Variants in IFT88 observed in about 807,000 individuals in gnomAD.
IFT88 encodes intraflagellar transport 88.
IFT88 carries 74 observed loss-of-function variants against 119.5 expected under a neutral mutation model. The observed-to-expected ratio is 0.62, with a 90% CI of 0.51 to 0.75. IFT88 has a LOEUF of 0.75. Ranked by LOEUF, IFT88 falls within the 30% of genes least tolerant of loss-of-function variation. The probability of loss-of-function intolerance (pLI) is 0.00; values close to 1 mark genes in which losing one functional copy is unlikely to be tolerated. For missense variants in IFT88, 961 were observed against 977.7 expected, an observed-to-expected ratio of 0.98 and a Z score of 0.23; for synonymous variants, 279 against 316.7, an observed-to-expected ratio of 0.88 and a Z score of 1.26.
In IFT88 at chr13:20,590,830, A is replaced by G. The variant is rs1283989237; in HGVS notation, c.211-137A>G. ...TTTTATAGTTTTATGGTTTTACCCT[A>G]TACGCCCAGGAGGTACAAGGAATAA... On this transcript the variant is annotated intron_variant, in intron 4 of 25. Transcript: ENST00000351808. The G allele has an allele frequency of 9.9e-6, 6 of 606,188 alleles. 1 individual carries two copies. Among genetic ancestry groups the G allele is most frequent in the Admixed American group, 6.1e-5 (2 of 32,802 alleles). The allele number at this position is 606,188 out of a possible 1,614,324, so 37.6% of individuals were successfully genotyped here. A position where few individuals can be genotyped will look rare whatever the true frequency, so the allele number is the denominator to read the frequency against.
At chr13:20,636,094 C>T (rs1250432309) in intron 16 of IFT88, among the ~76,000 whole-genome samples, 1 of 152,170 alleles carries the variant, frequency 6.6e-6, no homozygotes, top group African/African-American at 2.4e-5. Context: ...TCTTGTTGGG[C>T]TTTCCCACAT....
rs1446621502 is a variant in IFT88 at position 20,690,802 on chromosome 13, T to C, written c.2340T>C (p.Ser780=). Residue 780 remains serine, a synonymous_variant, in exon 25 of 26, where the codon AGT becomes AGC. Coordinates refer to ENST00000351808, the MANE Select transcript of IFT88 (RefSeq NM_006531.5). ...CAAATGAACCTTATGAAAGTAGCAGTAACAAAGAAATAGGCAAGTACTCTC... is the reference window on the plus strand; with the variant it reads ...CAAATGAACCTTATGAAAGTAGCAGCAACAAAGAAATAGGCAAGTACTCTC... The part of the protein sequence containing the change: ...PGTNEPYESS[S]NKEIDASYVD... 1.9e-6 allele frequency: 3 copies of C among 1,612,066 alleles called. No homozygotes were observed. Among genetic ancestry groups the C allele is most frequent in the Non-Finnish European group, 2.5e-6 (3 of 1,178,176 alleles).
At chr13:20,613,612 T>A (rs796678306) in intron 13 of IFT88, among the ~76,000 whole-genome samples, 26 of 152,262 alleles carry the variant, frequency 1.7e-4, no homozygotes, top group African/African-American at 6.3e-4. Context: ...TATGTCCACA[T>A]GACAACTTGT....
Position 20,638,495 on chromosome 13 carries a change from G to C in IFT88, c.1550G>C (p.Cys517Ser). ...YKEALRNDSS[C>S]TEALYNIGLT... ...GAGGCTCTAAGAAATGATTCTTCTT[G>C]TACTGAAGCACTTTATAATATTGGT... Residue 517 changes from cysteine to serine, a missense_variant, in exon 17 of 26, where the codon TGT (cysteine) becomes TCT (serine). Transcript: ENST00000351808. 1 of 1,491,296 alleles carries C rather than the reference G, an allele frequency of 6.7e-7. No individual in the cohort carries two copies. The highest frequency in any genetic ancestry group is 8.9e-7 in the Non-Finnish European group (1 of 1,125,020). The allele number at this position is 1,491,296 out of a possible 1,614,324, so 92.4% of individuals were successfully genotyped here.
chr13:20,634,392 A>G (rs567240161), intron 16 of IFT88, among the ~76,000 whole-genome samples: 1 of 152,110 alleles, frequency 6.6e-6, no homozygotes, highest in Non-Finnish European at 1.5e-5. Flanking sequence ...GCCAGGATCT[A>G]CATCAGGTCT....
chr13:20,626,621 G>A (rs1594368063), intron 15 of IFT88, among the ~76,000 whole-genome samples: 1 of 152,278 alleles, frequency 6.6e-6, no homozygotes, highest in African/African-American at 2.4e-5. Flanking sequence ...TCTCATGGCT[G>A]TATGGGGTTT....
At chr13:20,634,772 A>G (rs2048753565) in intron 16 of IFT88, among the ~76,000 whole-genome samples, 1 of 149,254 alleles carries the variant, frequency 6.7e-6, no homozygotes, top group African/African-American at 2.5e-5. Context: ...TTTCTCAGGA[A>G]CAATTTCTTC....
At chr13:20,666,113 G>A (rs138519345) in intron 23 of IFT88, among the ~76,000 whole-genome samples, 9 of 152,304 alleles carry the variant, frequency 5.9e-5, no homozygotes, top group Non-Finnish European at 8.8e-5. Flanking sequence ...AAGTAAATGC[G>A]TAGTATGGTG....
chr13:20,626,079 G>T (rs1594360322), intron 15 of IFT88, among the ~76,000 whole-genome samples: 1 of 49,750 alleles, frequency 2.0e-5, no homozygotes. Context: ...TTTTTTTTTT[G>T]AGATGGAGTC....
chr13:20,631,661 T>G (rs955275220), intron 16 of IFT88: 2 of 152,602 alleles, frequency 1.3e-5, no homozygotes, highest in Non-Finnish European at 2.9e-5. Flanking sequence ...AACATTTTAA[T>G]TTAGGACTTT....
At chr13:20,598,843 A>C in intron 10 of IFT88, 90 bp downstream of exon 10, 1 of 766,644 alleles carries the variant, frequency 1.3e-6, no homozygotes. Flanking sequence ...TTAAAATGAA[A>C]TGATCTATGC....
chr13:20,612,376 G>T (rs2044721221), intron 13 of IFT88: 1 of 152,036 alleles, frequency 6.6e-6, no homozygotes, highest in Admixed American at 6.6e-5. Flanking sequence ...CACTACCCAT[G>T]AATTATCCCA....
chr13:20,679,430 C>T (rs1251306630), intron 24 of IFT88, among the ~76,000 whole-genome samples: 5 of 152,122 alleles, frequency 3.3e-5, no homozygotes, highest in South Asian at 4.1e-4. Context: ...AATTAAACGC[C>T]GAGAGTGCCT....
chr13:20,577,460 A>C (rs1395804153), intron 2 of IFT88, among the ~76,000 whole-genome samples: 1 of 151,586 alleles, frequency 6.6e-6, no homozygotes, highest in Non-Finnish European at 1.5e-5. Context: ...AAAGGCTTTC[A>C]GTTTTTTTTC....
chr13:20,670,932 A>T, intron 23 of IFT88, 41 bp from the exon 24 acceptor site: 1 of 1,562,344 alleles, frequency 6.4e-7, no homozygotes, highest in South Asian at 1.1e-5. Context: ...CTTTGAAGGA[A>T]TAGCACTTAT....
At chr13:20,676,414 T>C (rs2056661267) in intron 24 of IFT88, among the ~76,000 whole-genome samples, 1 of 152,078 alleles carries the variant, frequency 6.6e-6, no homozygotes, top group Admixed American at 6.5e-5. Flanking sequence ...TGTGCAAGGG[T>C]GAGCATGGCT....
intron 12 of IFT88, among the ~76,000 whole-genome samples, chr13:20,604,160 G>A (rs1486263454): frequency 6.6e-6 from 1 of 152,148 alleles, no homozygotes; most frequent in Non-Finnish European, 1.5e-5. Flanking sequence ...AAGATGGCTT[G>A]AGCCCAGAAG....
intron 23 of IFT88, among the ~76,000 whole-genome samples, chr13:20,667,053 C>A (rs2054829513): frequency 6.6e-6 from 1 of 152,190 alleles, no homozygotes. Flanking sequence ...AGATTTCCGT[C>A]ACTTTGTGCT....
intron 3 of IFT88, among the ~76,000 whole-genome samples, chr13:20,584,871 A>G (rs1345770315): frequency 2.6e-5 from 4 of 152,066 alleles, no homozygotes; most frequent in Admixed American, 6.6e-5. Flanking sequence ...ATGCTTGGAG[A>G]GATATTTTCA....
Sources: gnomAD v4.1 joint callset for allele counts (sites outside exome capture counted in the v4.1 genomes callset) on GRCh38, gnomAD v4.1.1 for gene constraint, MANE v1.5 for transcripts, NCBI Gene and HGNC (gene_info 2026-07-23, HGNC 2026-07-21) for gene names.